The following TNC variants were observed in gnomAD, a reference collection of about 807,000 sequenced individuals.
TNC encodes tenascin C, also known as tenascin.
Under a neutral mutation model 202.4 loss-of-function variants are expected in TNC, and 109 were observed. The observed-to-expected ratio is 0.54, with a 90% CI of 0.46 to 0.63. The LOEUF (loss-of-function observed/expected upper bound fraction) is 0.63, where lower values mean the gene tolerates loss of function less well. Ranked by LOEUF, TNC falls within the 30% of genes least tolerant of loss-of-function variation. TNC has a pLI of 0.00. For synonymous variants in TNC, 1,007 were observed against 1,089.7 expected, an observed-to-expected ratio of 0.92 and a Z score of 1.50; for missense variants, 2,756 against 2,833.3, an observed-to-expected ratio of 0.97 and a Z score of 0.62.
intron 17 of TNC, 59 bp from the exon 18 acceptor site, chr9:115,042,400 G>T: frequency 1.3e-6 from 2 of 1,591,376 alleles, no homozygotes. Context: ...GTTCATCAAT[G>T]GTTCTTCCTG....
chr9:115,031,964 C>T (rs1829982397), intron 22 of TNC, among the ~76,000 whole-genome samples: 1 of 152,158 alleles, frequency 6.6e-6, no homozygotes, highest in Admixed American at 6.5e-5. Flanking sequence ...GATGAGAGCA[C>T]TGCTGTAGAC....
intron 22 of TNC, among the ~76,000 whole-genome samples, chr9:115,031,904 T>A (rs1348519681): frequency 6.6e-6 from 1 of 152,118 alleles, no homozygotes; most frequent in Admixed American, 6.6e-5. Flanking sequence ...GGCCAGAAGG[T>A]GCAGAGCAAG....
rs541739568 is a variant in TNC, at chr9:115,073,668, T to C, written c.3149A>G (p.Asn1050Ser). ...LRGLEPGQEY[N>S]VLLTAEKGRH... Reference sequence around the variant, plus strand: ...GCCTTTCTCGGCTGTCAGGAGGACATTGTACTCCTGTCCTGGTTCCAGGCC... The same window carrying C: ...GCCTTTCTCGGCTGTCAGGAGGACACTGTACTCCTGTCCTGGTTCCAGGCC... The change falls in exon 10 of 28, where the codon AAT becomes AGT. Residue 1050 changes from asparagine (N) to serine (S), a missense_variant. Physicochemically the swap from Asn to Ser is conservative, Grantham distance 46. This residue lies in a region of TNC where 2,559 missense variants were observed against 2,546.0 expected (regional missense o/e 1.01). Transcript: ENST00000350763. 8 of 1,614,006 alleles carry C rather than the reference T, an allele frequency of 5.0e-6. No individual in the cohort carries two copies. The South Asian group carries it at 5.5e-5, about 11-fold the overall frequency.
In TNC at chr9:115,024,066, G is replaced by A. The variant is rs1281134850; in HGVS notation, c.6402C>T (p.Thr2134=). Residue 2134 remains threonine (T), a synonymous_variant, in exon 27 of 28, where the codon ACC becomes ACT. Transcript: ENST00000350763. ...TFDKDTDSAI[T]NCALSYKGAF... ...CCCCTTTGTAGGACAGAGCACAGTTGGTGATGGCTGAATCTGTGTCCTTGT... is the reference window on the plus strand; with the variant it reads ...CCCCTTTGTAGGACAGAGCACAGTTAGTGATGGCTGAATCTGTGTCCTTGT... 3.1e-6 allele frequency: 5 copies of A among 1,614,126 alleles called. No homozygotes were observed. Among genetic ancestry groups the A allele is most frequent in the East Asian group, 2.2e-5 (1 of 44,890 alleles).
rs16932096 is a variant in TNC, at chr9:115,041,101, G to A, written c.5249-17C>T. On this transcript the variant is annotated splice_polypyrimidine_tract_variant and intron_variant, in intron 18 of 27. Coordinates refer to ENST00000350763, the MANE Select transcript of TNC (RefSeq NM_002160.4). ...AGGGTGTACCTGGAACACAGTAAAA[G>A]CAAGATGAGGAATAATGAACCTCAC... 2 of 1,599,706 alleles carry A rather than the reference G, an allele frequency of 1.3e-6. 1 individual carries two copies. Among genetic ancestry groups the A allele is most frequent in the South Asian group, 2.2e-5 (2 of 89,546 alleles).
At position 115,099,916 on chromosome 9, in the gene TNC, A is replaced by C. The variant is rs147295840; in HGVS notation, c.-136-8762T>G. On this transcript the variant is annotated intron_variant, in intron 1 of 27. Coordinates refer to ENST00000350763, the MANE Select transcript of TNC (RefSeq NM_002160.4). ...TTGTCAAGTAGCAGGGACACTCTAA[A>C]ATTTTTAGGAAAATGAGGAGGCTGT... 9.0e-3 allele frequency among the ~76,000 whole-genome samples: 1,371 copies of C among 152,268 alleles called. 28 individuals are homozygous for C. The highest frequency in any genetic ancestry group is 0.031 in the African/African-American group (1,287 of 41,564).
Position 115,027,293 on chromosome 9 carries a change from C to G in TNC, c.6170-598G>C, listed in dbSNP as rs78065185. 4.3e-3 allele frequency among the ~76,000 whole-genome samples: 650 copies of G among 152,056 alleles called. 7 individuals carry two copies. In the East Asian group the frequency reaches 0.043, roughly 10 times the overall value. ...AGGTGGTGAAAGTACTTTTTAAACTCTAAAGTGCCTTACAGGCCAGGCACG... is the reference window on the plus strand; with the variant it reads ...AGGTGGTGAAAGTACTTTTTAAACTGTAAAGTGCCTTACAGGCCAGGCACG... On this transcript the variant is annotated intron_variant, in intron 25 of 27. Coordinates refer to ENST00000350763, the MANE Select transcript of TNC (RefSeq NM_002160.4).
chr9:115,082,007 C>T, intron 5 of TNC, 79 bp from the exon 6 acceptor site: 1 of 1,344,884 alleles, frequency 7.4e-7, no homozygotes, highest in Non-Finnish European at 1.0e-6. Flanking sequence ...ACTCTGCATT[C>T]ATTCATTCCT....
intron 1 of TNC, among the ~76,000 whole-genome samples, chr9:115,114,196 CA>C (rs1489742856): frequency 6.6e-6 from 1 of 152,158 alleles, no homozygotes; most frequent in Non-Finnish European, 1.5e-5. Flanking sequence ...TGAAGGTGTT[CA>C]AACTGGCCCG....
intron 17 of TNC, among the ~76,000 whole-genome samples, chr9:115,042,910 T>C (rs1830874890): frequency 6.6e-6 from 1 of 152,110 alleles, no homozygotes; most frequent in Non-Finnish European, 1.5e-5. Context: ...GGAAATAACG[T>C]TCACACAAAC....
chr9:115,101,469 T>C (rs1475310100), intron 1 of TNC, among the ~76,000 whole-genome samples: 1 of 152,150 alleles, frequency 6.6e-6, no homozygotes, highest in African/African-American at 2.4e-5. Context: ...CACCTCTGCC[T>C]CCCAAAATGC....
chr9:115,042,778 A>C lies in TNC; in HGVS notation c.5126-437T>G, dbSNP rs551299034. 9.2e-5 allele frequency among the ~76,000 whole-genome samples: 14 copies of C among 152,314 alleles called. No individual in the cohort carries two copies. The South Asian group carries it at 1.0e-3, about 11-fold the overall frequency. On this transcript the variant is annotated intron_variant, in intron 17 of 27. Coordinates refer to ENST00000350763, the MANE Select transcript of TNC (RefSeq NM_002160.4). ...GCTTAATCCTCCTGTAGAAGCCCCC[A>C]AAAAGATGTGATTATAGCCATTTTA... is the stretch of plus-strand genomic sequence containing the variant.
rs3202588 is a variant in TNC at position 115,064,846 on chromosome 9, T to G, written c.3288A>C (p.Ala1096=). 6.2e-7 allele frequency: 1 copy of G among 1,614,046 alleles called. No homozygotes were observed. The part of the protein sequence containing the change: ...GWDGLRLNWT[A]ADQAYEHFII... ...TAAAGTGCTCATAGGCCTGGTCAGC[T>G]GCGGTCCAGTTGAGTCTGAGGCCAT... is the stretch of plus-strand genomic sequence containing the variant. Residue 1096 remains alanine, a synonymous_variant, in exon 11 of 28, where the codon GCA becomes GCC. Transcript: ENST00000350763.
In TNC at chr9:115,034,422, ATGTCTCC is replaced by A. The variant is rs1399043399; in HGVS notation, c.5787+775_5787+781del. 2.6e-5 allele frequency among the ~76,000 whole-genome samples: 4 copies of A among 152,344 alleles called. 1 individual carries two copies. The highest frequency in any genetic ancestry group is 9.6e-5 in the African/African-American group (4 of 41,572). Reference sequence around the variant, plus strand: ...ACCATGATCAACAGACATTGGGTGGATGTCTCCAACATGAAAGACAGAAACCCAAACC... The same window carrying A: ...ACCATGATCAACAGACATTGGGTGGAAACATGAAAGACAGAAACCCAAACC... On this transcript the variant is annotated intron_variant, in intron 22 of 27. Transcript: ENST00000350763.
Position 115,090,784 on chromosome 9 carries a change from G to T in TNC, c.235C>A (p.Pro79Thr), listed in dbSNP as rs774063530. 10 of 1,614,102 alleles carry T rather than the reference G, an allele frequency of 6.2e-6. No homozygotes were observed. Among genetic ancestry groups the T allele is most frequent in the Middle Eastern group, 1.6e-4 (1 of 6,084 alleles). The change falls in exon 2 of 28, where the codon CCG (proline) becomes ACG (threonine). Residue 79 changes from proline to threonine, a missense_variant. Coordinates refer to ENST00000350763, the MANE Select transcript of TNC (RefSeq NM_002160.4). Reference protein sequence around the residue: ...ESASGEKDLAPPSEPSESFQE... With the variant: ...ESASGEKDLATPSEPSESFQE... ...AAGCTTTCGCTGGGCTCTGAAGGCGGTGCCAGGTCTTTCTCCCCACTGGCT... is the reference window on the plus strand; with the variant it reads ...AAGCTTTCGCTGGGCTCTGAAGGCGTTGCCAGGTCTTTCTCCCCACTGGCT...
intron 10 of TNC, 74 bp downstream of exon 10, chr9:115,073,529 G>T (rs947027120): frequency 3.2e-6 from 5 of 1,539,666 alleles, no homozygotes; most frequent in Non-Finnish European, 4.4e-6. Context: ...TCTCATGTGA[G>T]GACACCCTGG....
intron 5 of TNC, 88 bp downstream of exon 5, chr9:115,082,604 A>C: frequency 1.1e-6 from 1 of 900,074 alleles, no homozygotes. Context: ...AAACTAAGGA[A>C]AATTAGTTGA....
chr9:115,061,317 C>T (rs1306183235), intron 13 of TNC, among the ~76,000 whole-genome samples: 1 of 152,194 alleles, frequency 6.6e-6, no homozygotes, highest in African/African-American at 2.4e-5. Context: ...TCTAGAAGAA[C>T]TGTGTTGAGA....
At chr9:115,055,566 TG>T (rs1451543411) in intron 15 of TNC, 1 of 152,476 alleles carries the variant, frequency 6.6e-6, no homozygotes, top group Non-Finnish European at 1.5e-5. Context: ...GCTTTGAGGT[TG>T]GTGATGACAG....
Sources: gnomAD v4.1 joint callset for allele counts (sites outside exome capture counted in the v4.1 genomes callset) on GRCh38, gnomAD v4.1.1 for gene constraint, gnomAD v4.1.1 regional missense constraint, MANE v1.5 for transcripts, NCBI Gene and HGNC (gene_info 2026-07-23, HGNC 2026-07-21) for gene names.